ZFHX3: variants seen among roughly 807,000 people sequenced by gnomAD.
The protein encoded by ZFHX3 is zinc finger homeobox protein 3.
ZFHX3 carries 42 observed loss-of-function variants against 279.1 expected under a neutral mutation model. That is an observed-to-expected ratio of 0.15 (90% confidence interval 0.12 to 0.19). ZFHX3 has a LOEUF of 0.19. Among genes scored for constraint, ZFHX3 ranks in the 10% least tolerant of loss-of-function variants. The pLI is 1.00. For synonymous variants in ZFHX3, 2,293 were observed against 1,957.8 expected (o/e 1.17, Z -4.52); for missense variants, 4,981 against 4,754.0 (o/e 1.05, Z -1.40).
chr16:73,547,814 T>C (rs1443726560), intron 2 of ZFHX3, among the ~76,000 whole-genome samples: 1 of 152,182 alleles, frequency 6.6e-6, no homozygotes, highest in Non-Finnish European at 1.5e-5. Context: ...TTCCAAACCA[T>C]ATTCTTGTAG....
At chr16:73,721,482 T>A (rs1597081705) in intron 1 of ZFHX3, among the ~76,000 whole-genome samples, 1 of 152,180 alleles carries the variant, frequency 6.6e-6, no homozygotes, top group Non-Finnish European at 1.5e-5. Context: ...TCCCCAGTCC[T>A]TGGATTTGCT....
intron 4 of ZFHX3, among the ~76,000 whole-genome samples, chr16:73,273,549 G>T (rs953047408): frequency 6.6e-6 from 1 of 151,982 alleles, no homozygotes; most frequent in South Asian, 2.1e-4. Context: ...TTTTCTTTAC[G>T]CAAAGGACTC....
In ZFHX3 at chr16:73,325,928, A is replaced by AACACACACACACACACACACACAAAC. The variant is rs140609871; in HGVS notation, c.-1290-7593_-1290-7592insGTTTGTGTGTGTGTGTGTGTGTGTGT. Reference sequence around the variant, plus strand: ...ACACACACACACACACACACACACAAACACACACACACACACACACACAGG... The same window carrying AACACACACACACACACACACACAAAC: ...ACACACACACACACACACACACACAAACACACACACACACACACACACAAACACACACACACACACACACACACAGG... On this transcript the variant is annotated intron_variant, in intron 3 of 17. Coordinates refer to the ZFHX3 transcript ENST00000641206. Among the ~76,000 whole-genome samples the AACACACACACACACACACACACAAAC allele has an allele frequency of 1.5e-3, 224 of 145,568 alleles. 2 individuals are homozygous for AACACACACACACACACACACACAAAC. Among genetic ancestry groups the AACACACACACACACACACACACAAAC allele is most frequent in the African/African-American group, 5.1e-3 (202 of 39,856 alleles).
At chr16:73,160,198 C>T (rs1221803735) in intron 5 of ZFHX3, among the ~76,000 whole-genome samples, 1 of 152,148 alleles carries the variant, frequency 6.6e-6, no homozygotes, top group Non-Finnish European at 1.5e-5. Context: ...AACTAGAAAA[C>T]CTAGAAAATG....
At chr16:73,704,961 C>T (rs1421121561) in intron 1 of ZFHX3, among the ~76,000 whole-genome samples, 2 of 152,114 alleles carry the variant, frequency 1.3e-5, no homozygotes, top group African/African-American at 4.8e-5. Flanking sequence ...TAGCATTTGC[C>T]AATGACCATG....
chr16:73,202,506 A>G (rs2011641287), intron 5 of ZFHX3, among the ~76,000 whole-genome samples: 1 of 152,260 alleles, frequency 6.6e-6, no homozygotes. Context: ...TTGTAAAACC[A>G]TCGCTATGGC....
intron 1 of ZFHX3, among the ~76,000 whole-genome samples, chr16:73,816,772 T>C (rs960640601): frequency 1.3e-5 from 2 of 152,086 alleles, no homozygotes; most frequent in African/African-American, 2.4e-5. Flanking sequence ...ACTGGATGGT[T>C]TGAAGTAACG....
intron 2 of ZFHX3, among the ~76,000 whole-genome samples, chr16:73,673,403 A>G (rs1020301508): frequency 1.3e-5 from 2 of 152,178 alleles, no homozygotes; most frequent in Non-Finnish European, 2.9e-5. Flanking sequence ...CAAAATCATA[A>G]AATCACACAC....
At chr16:72,947,426 G>A (rs988740195) in intron 3 of ZFHX3, among the ~76,000 whole-genome samples, 2 of 152,170 alleles carry the variant, frequency 1.3e-5, no homozygotes, top group South Asian at 2.1e-4. Flanking sequence ...AGCAATCTAC[G>A]CACTAGCATG....
chr16:73,441,190 T>C (rs2018086944), intron 3 of ZFHX3, among the ~76,000 whole-genome samples: 2 of 152,190 alleles, frequency 1.3e-5, no homozygotes, highest in Non-Finnish European at 2.9e-5. Context: ...TTATTTTCTA[T>C]TTAGCAGCAG....
intron 6 of ZFHX3, among the ~76,000 whole-genome samples, chr16:73,135,306 A>G (rs1402958459): frequency 2.0e-5 from 3 of 152,250 alleles, no homozygotes; most frequent in Admixed American, 2.0e-4. Flanking sequence ...TTCATTCACC[A>G]GCTCAATATG....
chr16:73,493,029 C>T (rs2019080130), intron 2 of ZFHX3, among the ~76,000 whole-genome samples: 1 of 152,038 alleles, frequency 6.6e-6, no homozygotes, highest in Non-Finnish European at 1.5e-5. Context: ...AAATATTTTG[C>T]TCTATGTATA....
At chr16:73,414,590 A>G (rs1237155692) in intron 3 of ZFHX3, among the ~76,000 whole-genome samples, 1 of 152,158 alleles carries the variant, frequency 6.6e-6, no homozygotes, top group Non-Finnish European at 1.5e-5. Context: ...CCACTGGGGG[A>G]AATGAGAGGC....
chr16:73,164,388 C>T (rs1014728073), intron 5 of ZFHX3, among the ~76,000 whole-genome samples: 3 of 152,160 alleles, frequency 2.0e-5, no homozygotes, highest in African/African-American at 4.8e-5. Flanking sequence ...CTCCCAAAAA[C>T]AATGTGGCTG....
chr16:73,785,480 G>T (rs2142308757), intron 1 of ZFHX3, among the ~76,000 whole-genome samples: 1 of 150,130 alleles, frequency 6.7e-6, no homozygotes, highest in African/African-American at 2.4e-5. Flanking sequence ...TTTCTAAAAA[G>T]GCTTCTGCCC....
intron 1 of ZFHX3, among the ~76,000 whole-genome samples, chr16:73,848,460 G>T (rs1410543951): frequency 1.3e-5 from 2 of 152,096 alleles, no homozygotes; most frequent in African/African-American, 4.8e-5. Context: ...CACAGAACAG[G>T]CACCATGCAA....
At chr16:73,141,823 A>G (rs1408999442) in intron 6 of ZFHX3, among the ~76,000 whole-genome samples, 3 of 152,196 alleles carry the variant, frequency 2.0e-5, no homozygotes, top group Non-Finnish European at 4.4e-5. Context: ...GAGAAAGAAT[A>G]GGTCTGGAAG....
chr16:73,471,300 T>C (rs34149712), intron 2 of ZFHX3, among the ~76,000 whole-genome samples: 37,094 of 152,152 alleles, frequency 0.24, 5,347 homozygotes, highest in East Asian at 0.61. Flanking sequence ...TGATTGACCA[T>C]GCACCACTGC....
At chr16:73,446,201 A>G (rs1008551580) in intron 3 of ZFHX3, among the ~76,000 whole-genome samples, 3 of 152,180 alleles carry the variant, frequency 2.0e-5, no homozygotes, top group Admixed American at 6.5e-5. Context: ...CCTGCTCTGG[A>G]ACATGGATGG....
Sources: allele counts gnomAD v4.1 joint callset (sites outside exome capture counted in the v4.1 genomes callset), GRCh38; gene constraint gnomAD v4.1.1; transcripts MANE v1.5; gene names NCBI Gene and HGNC (gene_info 2026-07-23, HGNC 2026-07-21).